MAP2: variants seen among roughly 807,000 people sequenced by gnomAD.
MAP2 encodes the protein microtubule-associated protein 2.
A neutral mutation model predicts 137.6 loss-of-function variants in MAP2; 14 were observed. The ratio of observed to expected loss-of-function variants is 0.10; its 90% CI spans 0.07 to 0.16. The LOEUF is 0.16. Ranked by LOEUF, MAP2 falls within the 10% of genes least tolerant of loss-of-function variation. The pLI, the probability that MAP2 is intolerant of heterozygous loss-of-function variation, is 1.00. For missense variants in MAP2, 2,088 were observed against 2,191.5 expected (o/e 0.95, Z 0.94); for synonymous variants, 786 against 782.3 (o/e 1.00, Z -0.08).
intron 5 of MAP2, among the ~76,000 whole-genome samples, chr2:209,655,610 T>C (rs940409083): frequency 6.6e-6 from 1 of 152,232 alleles, no homozygotes; most frequent in African/African-American, 2.4e-5. Context: ...ATCTCCAGCA[T>C]AAACAAATGC....
At chr2:209,517,757 T>C (rs2062717882) in intron 2 of MAP2, among the ~76,000 whole-genome samples, 1 of 151,888 alleles carries the variant, frequency 6.6e-6, no homozygotes, top group Non-Finnish European at 1.5e-5. Flanking sequence ...CACCACTTTA[T>C]GGAGTGGAAG....
intron 13 of MAP2, among the ~76,000 whole-genome samples, chr2:209,713,782 T>C (rs1019530950): frequency 1.2e-4 from 18 of 152,240 alleles, no homozygotes; most frequent in Admixed American, 5.2e-4. Context: ...CTTTTTGCCT[T>C]TTCTATCTAA....
intron 12 of MAP2, among the ~76,000 whole-genome samples, chr2:209,706,403 T>C (rs1465177033): frequency 6.6e-6 from 1 of 152,122 alleles, no homozygotes; most frequent in East Asian, 1.9e-4. Context: ...ATTGAGCACA[T>C]ATAGATACTA....
At position 209,692,624 on chromosome 2, in the gene MAP2, G is replaced by A; in HGVS notation, c.455-1G>A. On this transcript the variant is annotated splice_acceptor_variant, in intron 7 of 15. Coordinates refer to ENST00000682079, the MANE Select transcript of MAP2 (RefSeq NM_001375505.1). LOFTEE classifies it high-confidence loss of function. ...TTTAAAAATCAACCCGATTACTTCA[G>A]ATTTACTTACAGCCTCGAAGATGGA... is the stretch of plus-strand genomic sequence containing the variant. 6.4e-7 allele frequency: 1 copy of A among 1,564,192 alleles called. No individual in the cohort carries two copies. The highest frequency in any genetic ancestry group is 8.6e-7 in the Non-Finnish European group (1 of 1,161,272).
intron 1 of MAP2, among the ~76,000 whole-genome samples, chr2:209,481,767 A>G (rs892355557): frequency 1.3e-5 from 2 of 152,232 alleles, no homozygotes; most frequent in Admixed American, 6.5e-5. Flanking sequence ...TTATGATAGT[A>G]GAATACATTT....
chr2:209,582,166 C>T (rs1424383599), intron 3 of MAP2, among the ~76,000 whole-genome samples: 1 of 152,026 alleles, frequency 6.6e-6, no homozygotes, highest in African/African-American at 2.4e-5. Context: ...AATTTGTCAG[C>T]ATTTTCCCCT....
At chr2:209,721,488 G>A (rs947482778) in intron 13 of MAP2, among the ~76,000 whole-genome samples, 37 of 152,256 alleles carry the variant, frequency 2.4e-4, no homozygotes, top group African/African-American at 8.9e-4. Context: ...GAATATCTGT[G>A]ATTTTCTAGA....
intron 11 of MAP2, among the ~76,000 whole-genome samples, chr2:209,702,818 G>C (rs2062155894): frequency 1.3e-5 from 2 of 152,012 alleles, no homozygotes. Context: ...GAAGTGATTT[G>C]TACAGTCTGT....
chr2:209,499,765 G>A (rs1207749816), intron 1 of MAP2, among the ~76,000 whole-genome samples: 1 of 152,132 alleles, frequency 6.6e-6, no homozygotes. Context: ...CAGAAAGAGA[G>A]ACAGGGGGTG....
chr2:209,609,195 T>C (rs1406320867), intron 3 of MAP2, among the ~76,000 whole-genome samples: 1 of 152,022 alleles, frequency 6.6e-6, no homozygotes, highest in African/African-American at 2.4e-5. Flanking sequence ...ATATACATTT[T>C]CCCATTGCTC....
intron 1 of MAP2, among the ~76,000 whole-genome samples, chr2:209,499,411 A>G (rs1383841025): frequency 6.6e-6 from 1 of 152,146 alleles, no homozygotes; most frequent in Admixed American, 6.5e-5. Flanking sequence ...GTCTCTAAAA[A>G]ATTCCAAACT....
chr2:209,527,574 T>C lies in MAP2; in HGVS notation c.-172+19933T>C. On this transcript the variant is annotated intron_variant, in intron 2 of 15. Transcript: ENST00000682079. ...CTTCACAACAATGAGGTTACATACT[T>C]GATTAAGGAACCATCTCTTATGGAT... 1.3e-5 allele frequency among the ~76,000 whole-genome samples: 2 copies of C among 152,130 alleles called. 1 individual carries two copies. The highest frequency in any genetic ancestry group is 2.9e-5 in the Non-Finnish European group (2 of 68,024).
In MAP2 at chr2:209,637,799, C is replaced by T. The variant is rs184808906; in HGVS notation, c.-30+12670C>T. The stretch of plus-strand genomic sequence containing the variant: ...TACCAGTGCATTAAAAAATTAATGT[C>T]TCCTTAAACTTTTTGTGATTTTTCT... On this transcript the variant is annotated intron_variant, in intron 4 of 15. Coordinates refer to ENST00000682079, the MANE Select transcript of MAP2 (RefSeq NM_001375505.1). Among the ~76,000 whole-genome samples, 717 of 152,096 alleles carry T rather than the reference C, an allele frequency of 4.7e-3. 10 individuals are homozygous for T. Among genetic ancestry groups the T allele is most frequent in the African/African-American group, 0.016 (669 of 41,522 alleles).
rs535094433 is a variant in MAP2, at chr2:209,444,245, C to CT, written c.-222+19970dup. Among the ~76,000 whole-genome samples, 1,146 of 151,564 alleles carry CT rather than the reference C, an allele frequency of 7.6e-3. 11 individuals carry two copies. Among genetic ancestry groups the CT allele is most frequent in the Non-Finnish European group, 0.011 (775 of 67,594 alleles). On this transcript the variant is annotated intron_variant, in intron 1 of 15. Transcript: ENST00000682079. ...TTAGAACCCCCATCTTTAATTCTTT[C>CT]TCGGGGACTAAAATTTGAAATGTAT...
At chr2:209,585,482 A>G (rs1476291326) in intron 3 of MAP2, among the ~76,000 whole-genome samples, 2 of 152,140 alleles carry the variant, frequency 1.3e-5, no homozygotes, top group African/African-American at 4.8e-5. Flanking sequence ...TAATTACACA[A>G]TCCAGAGATT....
At chr2:209,528,460 G>A (rs769133573) in intron 2 of MAP2, among the ~76,000 whole-genome samples, 30 of 151,958 alleles carry the variant, frequency 2.0e-4, no homozygotes, top group Non-Finnish European at 4.0e-4. Flanking sequence ...TTATAAAATA[G>A]CAATATAATG....
Position 209,695,212 on chromosome 2 carries a change from A to G in MAP2, c.3042A>G (p.Lys1014=). 20 of 1,614,178 alleles carry G rather than the reference A, an allele frequency of 1.2e-5. No homozygotes were observed. The highest frequency in any genetic ancestry group is 1.7e-5 in the Non-Finnish European group (20 of 1,180,004). The change falls in exon 8 of 16, where the codon AAA becomes AAG. Residue 1014 remains lysine (K), a synonymous_variant. Transcript: ENST00000682079. The part of the protein sequence containing the change: ...LSIPTDASSE[K]AEKGLSSVPE... ...TACCAACAGATGCATCCTCTGAGAA[A>G]GCAGAGAAGGGTCTTAGTTCAGTGC... is the stretch of plus-strand genomic sequence containing the variant.
intron 5 of MAP2, among the ~76,000 whole-genome samples, chr2:209,654,738 A>G (rs2710482): frequency 0.25 from 37,356 of 152,004 alleles, 7,838 homozygotes; most frequent in African/African-American, 0.58. Flanking sequence ...TAGCATATTG[A>G]TTGTGAGGAA....
intron 14 of MAP2, 44 bp from the exon 15 acceptor site, chr2:209,729,806 C>A: frequency 2.3e-6 from 3 of 1,333,330 alleles, no homozygotes; most frequent in Non-Finnish European, 2.1e-6. Flanking sequence ...ATAGTTACCA[C>A]GAATGCAAGA....
Sources: allele counts gnomAD v4.1 joint callset (sites outside exome capture counted in the v4.1 genomes callset), GRCh38; gene constraint gnomAD v4.1.1; transcripts MANE v1.5; gene names NCBI Gene and HGNC (gene_info 2026-07-23, HGNC 2026-07-21).